Variants in ATRX observed in about 807,000 individuals in gnomAD.
The protein encoded by ATRX is ATRX chromatin remodeler.
In ATRX, 12 loss-of-function variants were observed where a neutral mutation model predicts 172.6. The ratio of observed to expected loss-of-function variants is 0.07; its 90% CI spans 0.04 to 0.11. The LOEUF is 0.11. ATRX is among the 10% of genes least tolerant of loss of function. The probability of loss-of-function intolerance (pLI) is 1.00; values close to 1 mark genes in which losing one functional copy is unlikely to be tolerated. For synonymous variants in ATRX, 674 were observed against 594.7 expected (o/e 1.13, Z -1.94); for missense variants, 1,368 against 1,767.4 (o/e 0.77, Z 4.05).
chrX:77,711,795 A>G (rs894717301), intron 2 of ATRX, among the ~76,000 whole-genome samples: 9 of 112,506 alleles, frequency 8.0e-5, no homozygotes, highest in Non-Finnish European at 1.5e-4. Flanking sequence ...AGATGGCATC[A>G]CTGCACACCA....
intron 27 of ATRX, among the ~76,000 whole-genome samples, chrX:77,581,341 C>G: frequency 9.0e-6 from 1 of 111,218 alleles, no homozygotes; most frequent in Non-Finnish European, 1.9e-5. Flanking sequence ...TGTAAAAATA[C>G]ACATAGGCTG....
At chrX:77,686,752 A>G (rs1557144165) in intron 7 of ATRX, among the ~76,000 whole-genome samples, 1 of 110,881 alleles carries the variant, frequency 9.0e-6, no homozygotes, top group African/African-American at 3.3e-5. Context: ...ACTGCTACCC[A>G]CTACCCAATG....
intron 1 of ATRX, among the ~76,000 whole-genome samples, chrX:77,765,670 ATTTTTTTTTAAT>A (rs2075881921): frequency 9.5e-6 from 1 of 105,721 alleles, no homozygotes; most frequent in Admixed American, 1.0e-4. Flanking sequence ...CAATTTTCTC[ATTTTTTTTTAAT>A]TTTTTTTATT....
chrX:77,672,063 C>A (rs1379378543), intron 10 of ATRX, among the ~76,000 whole-genome samples: 1 of 109,457 alleles, frequency 9.1e-6, no homozygotes, highest in Admixed American at 9.8e-5. Context: ...GCTATACAGA[C>A]AAAGGAAATT....
At chrX:77,693,106 C>T (rs1225636496) in intron 6 of ATRX, among the ~76,000 whole-genome samples, 3 of 110,752 alleles carry the variant, frequency 2.7e-5, no homozygotes, top group South Asian at 3.9e-4. Context: ...AAGCTGGTCT[C>T]GAACTCCAGG....
intron 1 of ATRX, among the ~76,000 whole-genome samples, chrX:77,778,134 A>C (rs1246156640): frequency 9.1e-6 from 1 of 109,433 alleles, no homozygotes; most frequent in Non-Finnish European, 1.9e-5. Flanking sequence ...GTCTCAAAAA[A>C]AAAAAAAAAA....
chrX:77,655,996 A>C (rs1188470332), intron 13 of ATRX, among the ~76,000 whole-genome samples: 2 of 111,570 alleles, frequency 1.8e-5, no homozygotes, highest in East Asian at 5.6e-4. Flanking sequence ...ATTTTAAATT[A>C]CAGGTAATCT....
intron 15 of ATRX, among the ~76,000 whole-genome samples, chrX:77,637,739 C>G (rs1557109014): frequency 9.2e-6 from 1 of 109,131 alleles, no homozygotes; most frequent in African/African-American, 3.3e-5. Context: ...GTCAAGAGTT[C>G]AAGACCAGCC....
In ATRX at chrX:77,697,579, C is replaced by T. The variant is rs2148680892; in HGVS notation, c.242+4G>A. The T allele has an allele frequency of 2.5e-6, 3 of 1,209,468 alleles. No individual in the cohort carries two copies. The highest frequency in any genetic ancestry group is 3.4e-6 in the Non-Finnish European group (3 of 894,121). ...AACTTTTTGTCCCTTCAACATCAACCAACCTCTTTGATCGTGACGATCCTG... is the reference window on the plus strand; with the variant it reads ...AACTTTTTGTCCCTTCAACATCAACTAACCTCTTTGATCGTGACGATCCTG... On this transcript the variant is annotated splice_donor_region_variant and intron_variant, in intron 4 of 34. Coordinates refer to ENST00000373344, the MANE Select transcript of ATRX (RefSeq NM_000489.6).
chrX:77,762,210 A>T (rs1389023201), intron 1 of ATRX, among the ~76,000 whole-genome samples: 1 of 106,181 alleles, frequency 9.4e-6, no homozygotes, highest in East Asian at 3.0e-4. Context: ...AGGCTGAGGC[A>T]GGAGAATGGC....
intron 10 of ATRX, among the ~76,000 whole-genome samples, chrX:77,669,706 T>A (rs181231658): frequency 1.8e-4 from 20 of 111,703 alleles, no homozygotes; most frequent in Admixed American, 7.6e-4. Flanking sequence ...ATTTTTTTTT[T>A]AATTTTATTT....
chrX:77,701,111 T>C (rs1391932047), intron 2 of ATRX, among the ~76,000 whole-genome samples: 1 of 112,550 alleles, frequency 8.9e-6, no homozygotes, highest in East Asian at 2.8e-4. Context: ...TCTTACGGAA[T>C]GCTGATAGTG....
chrX:77,643,018 C>T (rs188028034), intron 15 of ATRX, among the ~76,000 whole-genome samples: 1 of 111,797 alleles, frequency 8.9e-6, no homozygotes, highest in African/African-American at 3.2e-5. Flanking sequence ...CGTTTTACAG[C>T]ATTTTTACTT....
At chrX:77,721,012 C>A (rs1476104081) in intron 1 of ATRX, among the ~76,000 whole-genome samples, 3 of 112,078 alleles carry the variant, frequency 2.7e-5, no homozygotes, top group Non-Finnish European at 5.6e-5. Context: ...TGATACACAG[C>A]TGGTTCAACA....
At chrX:77,509,766 C>A (rs1183432095) in intron 34 of ATRX, among the ~76,000 whole-genome samples, 2 of 111,128 alleles carry the variant, frequency 1.8e-5, no homozygotes, top group African/African-American at 3.3e-5. Flanking sequence ...AATCACCTAT[C>A]CCAGCAGGCA....
intron 10 of ATRX, chrX:77,675,108 C>T (rs2070801266): frequency 9.0e-6 from 1 of 111,635 alleles, no homozygotes; most frequent in African/African-American, 3.2e-5. Context: ...AACAGCTGAA[C>T]CCAGGGCATT....
intron 5 of ATRX, among the ~76,000 whole-genome samples, chrX:77,694,465 T>G (rs1267126267): frequency 9.0e-6 from 1 of 111,252 alleles, no homozygotes; most frequent in Non-Finnish European, 1.9e-5. Flanking sequence ...ACTGCAGCAT[T>G]TCCCAACTGG....
chrX:77,693,877 G>C lies in ATRX; in HGVS notation c.431C>G (p.Pro144Arg). 8.3e-7 allele frequency: 1 copy of C among 1,209,892 alleles called. No individual in the cohort carries two copies. The highest frequency in any genetic ancestry group is 1.1e-6 in the Non-Finnish European group (1 of 894,535). ...CATTTTACTTCTGCTTCTAAATTCAGGCCCTTTAAAATCATCTTTGTCTTC... is the reference window on the plus strand; with the variant it reads ...CATTTTACTTCTGCTTCTAAATTCACGCCCTTTAAAATCATCTTTGTCTTC... ...LNEDKDDFKG[P>R]EFRSRSKMKT... is the part of the protein sequence containing the mutation. The change falls in exon 6 of 35, where the codon CCT becomes CGT. Residue 144 changes from proline (P) to arginine (R), a missense_variant. Around this residue, in one of 17 missense-constraint regions of ATRX, gnomAD observed 15 missense variants for 33.2 expected, o/e 0.45. Coordinates refer to ENST00000373344, the MANE Select transcript of ATRX (RefSeq NM_000489.6).
rs534841932 is a variant in ATRX at position 77,545,872 on chromosome X, C to T, written c.6699+11579G>A. On this transcript the variant is annotated intron_variant, in intron 30 of 34. Coordinates refer to ENST00000373344, the MANE Select transcript of ATRX (RefSeq NM_000489.6). ...CTTGCCCCAGGACCCCTGTCCTTAA[C>T]CACTCTGCTACACTGACTTAGGGCT... Among the ~76,000 whole-genome samples, 34 of 111,304 alleles carry T rather than the reference C, an allele frequency of 3.1e-4. No individual in the cohort carries two copies. The South Asian group carries it at 0.012, about 41-fold the overall frequency.
Sources: gnomAD v4.1 joint callset for allele counts (sites outside exome capture counted in the v4.1 genomes callset) on GRCh38, gnomAD v4.1.1 for gene constraint, gnomAD v4.1.1 regional missense constraint, MANE v1.5 for transcripts, NCBI Gene and HGNC (gene_info 2026-07-23, HGNC 2026-07-21) for gene names.